Variants in RELT observed in about 807,000 individuals in gnomAD.
RELT encodes tumor necrosis factor receptor superfamily member 19L.
Under a neutral mutation model 51.1 loss-of-function variants are expected in RELT, and 37 were observed. That is an observed-to-expected ratio of 0.72 (90% CI 0.56 to 0.95). The LOEUF (loss-of-function observed/expected upper bound fraction) is 0.95, where lower values mean the gene tolerates loss of function less well. Among genes scored for constraint, RELT ranks in the 40% least tolerant of loss-of-function variants. The probability of loss-of-function intolerance (pLI) is 0.00; values close to 1 mark genes in which losing one functional copy is unlikely to be tolerated. For synonymous variants in RELT, 241 were observed against 235.7 expected (o/e 1.02, Z -0.21); for missense variants, 535 against 572.6 (o/e 0.93, Z 0.67).
intron 1 of RELT, among the ~76,000 whole-genome samples, chr11:73,382,294 C>T (rs1013701882): frequency 2.0e-5 from 3 of 152,216 alleles, no homozygotes; most frequent in Non-Finnish European, 2.9e-5. Context: ...GCTGTGGTCT[C>T]CCCCAAGTCC....
chr11:73,385,299 G>C (rs1590732000), intron 1 of RELT, among the ~76,000 whole-genome samples: 1 of 152,320 alleles, frequency 6.6e-6, no homozygotes, highest in East Asian at 1.9e-4. Flanking sequence ...CCTGTGGCCT[G>C]GGCTGGTGGC....
chr11:73,379,149 G>A (rs74996190), intron 1 of RELT, among the ~76,000 whole-genome samples: 5,670 of 152,296 alleles, frequency 0.037, 121 homozygotes, highest in African/African-American at 0.063. Context: ...GACTGGAGCT[G>A]TGCTTCTTGG....
intron 1 of RELT, among the ~76,000 whole-genome samples, chr11:73,382,027 G>A (rs1334357909): frequency 1.3e-5 from 2 of 152,158 alleles, no homozygotes; most frequent in Non-Finnish European, 2.9e-5. Context: ...GTTTGCAGAG[G>A]AAGACCCCGA....
intron 5 of RELT, 60 bp from the exon 6 acceptor site, chr11:73,392,150 CT>C: frequency 1.3e-6 from 2 of 1,565,196 alleles, no homozygotes; most frequent in East Asian, 2.3e-5. Flanking sequence ...CCCTGGGCCC[CT>C]GTCTCTCTGT....
At position 73,395,188 on chromosome 11, in the gene RELT, C is replaced by T. The variant is rs767496501; in HGVS notation, c.1148C>T (p.Ser383Phe). 24 of 1,613,222 alleles carry T rather than the reference C, an allele frequency of 1.5e-5. No homozygotes were observed. In the Admixed American group the frequency reaches 3.0e-4, roughly 20 times the overall value. The change falls in exon 10 of 11, where the codon TCC (serine) becomes TTC (phenylalanine). Residue 383 changes from serine to phenylalanine, a missense_variant. Ser to Phe is a radical substitution (Grantham distance 155). Transcript: ENST00000064780. ...CCCTCGTGGGGTGATCTCCCTGACT[C>T]CCCACAGCCTGGCCTCCCCCCTGAG... ...AGPSWGDLPD[S>F]PQPGLPPEQQ... is the part of the protein sequence containing the mutation.
chr11:73,390,725 G>A (rs1274345284), intron 3 of RELT, 30 bp from the exon 4 acceptor site: 1 of 1,607,308 alleles, frequency 6.2e-7, no homozygotes, highest in Non-Finnish European at 8.5e-7. Flanking sequence ...CTTGGCTCCT[G>A]GCCATGCTCT....
intron 6 of RELT, 68 bp downstream of exon 6, chr11:73,392,536 G>A (rs567033117): frequency 5.8e-6 from 9 of 1,549,144 alleles, no homozygotes; most frequent in Non-Finnish European, 7.0e-6. Flanking sequence ...CCACTTGGGG[G>A]CTGCCAGCGG....
chr11:73,392,152 GTCTC>G, intron 5 of RELT, 55 bp from the exon 6 acceptor site: 1 of 1,569,726 alleles, frequency 6.4e-7, no homozygotes, highest in Non-Finnish European at 8.7e-7. Flanking sequence ...CTGGGCCCCT[GTCTC>G]TCTGTGTTTG....
rs541717441 is a variant in RELT at position 73,395,152 on chromosome 11, C to T, written c.1112C>T (p.Thr371Met). 15 of 1,613,616 alleles carry T rather than the reference C, an allele frequency of 9.3e-6. No homozygotes were observed. In the Admixed American group the frequency reaches 1.0e-4, roughly 11 times the overall value. Residue 371 changes from threonine (T) to methionine (M), a missense_variant, in exon 10 of 11, where the codon ACG becomes ATG. Thr to Met is a moderately conservative substitution (Grantham distance 81). Coordinates refer to ENST00000064780, the MANE Select transcript of RELT (RefSeq NM_152222.2). ...SSMVSEVKTI[T>M]EAGPSWGDLP... ...ATGGTGTCTGAGGTGAAGACCATCA[C>T]GGAGGCTGGGCCCTCGTGGGGTGAT... is the stretch of plus-strand genomic sequence containing the variant.
intron 1 of RELT, among the ~76,000 whole-genome samples, chr11:73,384,065 G>A (rs1204092047): frequency 1.3e-5 from 2 of 152,126 alleles, no homozygotes; most frequent in Non-Finnish European, 2.9e-5. Flanking sequence ...GGGAAGCAGA[G>A]TAGCTGCCTC....
At chr11:73,378,366 G>A (rs1866001888) in intron 1 of RELT, among the ~76,000 whole-genome samples, 1 of 152,180 alleles carries the variant, frequency 6.6e-6, no homozygotes, top group Non-Finnish European at 1.5e-5. Context: ...ACAGTGTCAG[G>A]CACTGTTCTG....
intron 1 of RELT, among the ~76,000 whole-genome samples, chr11:73,383,797 A>G (rs1866083659): frequency 6.6e-6 from 1 of 152,216 alleles, no homozygotes; most frequent in Non-Finnish European, 1.5e-5. Context: ...CGGCCTGCAC[A>G]GGGCTGGGGT....
chr11:73,378,887 G>A (rs1417176873), intron 1 of RELT, among the ~76,000 whole-genome samples: 1 of 152,198 alleles, frequency 6.6e-6, no homozygotes, highest in Non-Finnish European at 1.5e-5. Context: ...AGGGAAAATT[G>A]AGAGTCCCAG....
intron 1 of RELT, among the ~76,000 whole-genome samples, chr11:73,377,323 CAGG>C (rs1023553643): frequency 4.3e-5 from 6 of 141,064 alleles, no homozygotes; most frequent in African/African-American, 1.8e-4. Flanking sequence ...GAGTAAGAGG[CAGG>C]AGGAGGAGGG....
chr11:73,392,901 G>C (rs1472073200), intron 6 of RELT: 2 of 1,034,774 alleles, frequency 1.9e-6, no homozygotes, highest in African/African-American at 3.4e-5. Context: ...AAGGGGCTCG[G>C]GTTTTGGTTC....
Position 73,394,858 on chromosome 11 carries a change from G to A in RELT, c.1046+124G>A. 2.5e-6 allele frequency: 3 copies of A among 1,192,876 alleles called. No individual in the cohort carries two copies. Among genetic ancestry groups the A allele is most frequent in the Non-Finnish European group, 3.5e-6 (3 of 863,200 alleles). 73.9% of individuals were successfully genotyped at this position (1,192,876 alleles called of 1,614,324 possible). On this transcript the variant is annotated intron_variant, in intron 9 of 10. Coordinates refer to ENST00000064780, the MANE Select transcript of RELT (RefSeq NM_152222.2). The surrounding 1 kb of genome is among the most constrained non-coding windows in gnomAD (Gnocchi z 4.9). ...CTCAATGGGAGCCCTGCCCTTATTG[G>A]GCCTCTCTGGGCAGTGGAGGCGGCC...
Position 73,396,970 on chromosome 11 carries a change from C to T in RELT, c.*1479C>T, listed in dbSNP as rs1866328671. The stretch of plus-strand genomic sequence containing the variant: ...TAACCCAGTCTATCCAAAATATTTT[C>T]ATTTCAATATAAAATCAGTATAAAA... On this transcript the variant is annotated 3_prime_UTR_variant, in exon 11 of 11. Transcript: ENST00000064780. 6.6e-6 allele frequency: 1 copy of T among 152,182 alleles called. No individual in the cohort carries two copies. Among genetic ancestry groups the T allele is most frequent in the Non-Finnish European group, 1.5e-5 (1 of 68,024 alleles). 9.4% of individuals were successfully genotyped at this position (152,182 alleles called of 1,614,324 possible).
In RELT at chr11:73,394,251, T is replaced by C; in HGVS notation, c.722T>C (p.Leu241Pro). 1 of 1,608,888 alleles carries C rather than the reference T, an allele frequency of 6.2e-7. No individual in the cohort carries two copies. The highest frequency in any genetic ancestry group is 8.5e-7 in the Non-Finnish European group (1 of 1,178,194). Residue 241 changes from leucine (L) to proline (P), a missense_variant, in exon 8 of 11, where the codon CTG becomes CCG. By Grantham distance (98) the Leu-to-Pro change is moderately conservative. Coordinates refer to ENST00000064780, the MANE Select transcript of RELT (RefSeq NM_152222.2). The surrounding 1 kb of genome is among the most constrained non-coding windows in gnomAD (Gnocchi z 4.9). ...ITEKKENAAALEELLKEYHSK... is the reference protein window; with the variant it reads ...ITEKKENAAAPEELLKEYHSK... ...CTACCCACAGAGAATGCTGCGGCCC[T>C]GGAGGAGCTGCTGAAAGAGTACCAC...
rs1866174496 is a variant in RELT at position 73,389,278 on chromosome 11, C to T, written c.45+97C>T. 5 of 796,496 alleles carry T rather than the reference C, an allele frequency of 6.3e-6. No homozygotes were observed. The South Asian group carries it at 9.3e-5, about 15-fold the overall frequency. 49.3% of individuals were successfully genotyped at this position (796,496 alleles called of 1,614,324 possible). On this transcript the variant is annotated intron_variant, in intron 2 of 10. Transcript: ENST00000064780. ...GCAGACACTCCCGGGGAACCCCCTG[C>T]TGGGCAGGGCTCAGTTACTCAGCTC...
Sources: gnomAD v4.1 joint callset for allele counts (sites outside exome capture counted in the v4.1 genomes callset) on GRCh38, gnomAD v4.1.1 for gene constraint, Gnocchi (gnomAD v3.1) non-coding constraint, MANE v1.5 for transcripts, NCBI Gene and HGNC (gene_info 2026-07-23, HGNC 2026-07-21) for gene names.